Variants in ROR2 observed in about 807,000 individuals in gnomAD.
The protein encoded by ROR2 is tyrosine-protein kinase transmembrane receptor ROR2.
Under a neutral mutation model 74.9 loss-of-function variants are expected in ROR2, and 33 were observed. The ratio of observed to expected loss-of-function variants is 0.44; its 90% CI spans 0.33 to 0.59. The LOEUF (loss-of-function observed/expected upper bound fraction) is 0.59, where lower values mean the gene tolerates loss of function less well. Among genes scored for constraint, ROR2 ranks in the 20% least tolerant of loss-of-function variants. The probability of loss-of-function intolerance (pLI) is 0.02; values close to 1 mark genes in which losing one functional copy is unlikely to be tolerated. For synonymous variants in ROR2, 586 were observed against 558.7 expected, an observed-to-expected ratio of 1.05 and a Z score of -0.69; for missense variants, 1,216 against 1,313.8, an observed-to-expected ratio of 0.93 and a Z score of 1.15.
At chr9:91,889,935 G>T (rs1004858670) in intron 1 of ROR2, among the ~76,000 whole-genome samples, 1 of 152,152 alleles carries the variant, frequency 6.6e-6, no homozygotes, top group African/African-American at 2.4e-5. Flanking sequence ...ATATTAGCGG[G>T]GAGGGGGTTA....
chr9:91,846,357 G>C (rs1175337026), intron 1 of ROR2, among the ~76,000 whole-genome samples: 1 of 152,174 alleles, frequency 6.6e-6, no homozygotes, highest in Non-Finnish European at 1.5e-5. Context: ...ACAAGAAGGG[G>C]AAGAGACACT....
intron 1 of ROR2, among the ~76,000 whole-genome samples, chr9:91,841,128 A>G (rs1014042525): frequency 1.3e-5 from 2 of 152,214 alleles, no homozygotes; most frequent in African/African-American, 4.8e-5. Flanking sequence ...CCTTGAGCTC[A>G]CGTATGCTCC....
intron 4 of ROR2, among the ~76,000 whole-genome samples, chr9:91,742,731 C>T (rs79797501): frequency 0.012 from 1,769 of 152,202 alleles, 35 homozygotes; most frequent in African/African-American, 0.04. Flanking sequence ...AAATGTATAG[C>T]GTTTACACAG....
chr9:91,842,917 G>C (rs573386905), intron 1 of ROR2, among the ~76,000 whole-genome samples: 11 of 152,258 alleles, frequency 7.2e-5, no homozygotes, highest in Non-Finnish European at 1.5e-4. Context: ...TCGAGCAGAG[G>C]TGAAAACACA....
At chr9:91,791,642 G>C (rs1587722312) in intron 1 of ROR2, among the ~76,000 whole-genome samples, 1 of 152,064 alleles carries the variant, frequency 6.6e-6, no homozygotes, top group Admixed American at 6.5e-5. Context: ...ACAATAACTG[G>C]AGATGTCAAC....
intron 1 of ROR2, among the ~76,000 whole-genome samples, chr9:91,824,754 C>T (rs940103109): frequency 6.6e-6 from 1 of 152,184 alleles, no homozygotes; most frequent in Non-Finnish European, 1.5e-5. Context: ...GGGACACACA[C>T]AGCTCTCCCA....
Position 91,756,117 on chromosome 9 carries a change from A to G in ROR2, c.464-16T>C. The G allele has an allele frequency of 6.2e-7, 1 of 1,613,346 alleles. No individual in the cohort carries two copies. Among genetic ancestry groups the G allele is most frequent in the Non-Finnish European group, 8.5e-7 (1 of 1,179,238 alleles). On this transcript the variant is annotated splice_polypyrimidine_tract_variant and intron_variant, in intron 3 of 8. Transcript: ENST00000375708. Reference sequence around the variant, plus strand: ...TGCGTTGGACCTAAAAAGAGGAAACAAAAAGACAAGTTATTAATACTCCAT... The same window carrying G: ...TGCGTTGGACCTAAAAAGAGGAAACGAAAAGACAAGTTATTAATACTCCAT...
At chr9:91,830,430 C>T (rs759915496) in intron 1 of ROR2, among the ~76,000 whole-genome samples, 19 of 152,188 alleles carry the variant, frequency 1.2e-4, no homozygotes, top group Non-Finnish European at 2.5e-4. Flanking sequence ...TATGACCACA[C>T]CACTGCACTC....
rs995767342 is a variant in ROR2 at position 91,907,088 on chromosome 9, G to A, written c.97+42779C>T. 4.6e-5 allele frequency among the ~76,000 whole-genome samples: 7 copies of A among 152,044 alleles called. No individual in the cohort carries two copies. The East Asian group carries it at 1.3e-3, about 29-fold the overall frequency. On this transcript the variant is annotated intron_variant, in intron 1 of 8. Transcript: ENST00000375708. Reference sequence around the variant, plus strand: ...TTCATCTATCTTTTTTTTTAATTGAGGGAGACAAATTGGCAGGGGGCTGTC... The same window carrying A: ...TTCATCTATCTTTTTTTTTAATTGAAGGAGACAAATTGGCAGGGGGCTGTC...
chr9:91,871,900 G>A (rs930310165), intron 1 of ROR2, among the ~76,000 whole-genome samples: 1 of 152,100 alleles, frequency 6.6e-6, no homozygotes, highest in Non-Finnish European at 1.5e-5. Flanking sequence ...TTCATGTCTG[G>A]CCCAGTTGAG....
chr9:91,759,911 C>T (rs1825861673), intron 2 of ROR2, among the ~76,000 whole-genome samples: 1 of 152,188 alleles, frequency 6.6e-6, no homozygotes, highest in Non-Finnish European at 1.5e-5. Flanking sequence ...CATTAGGTAA[C>T]CTGATAATTT....
At chr9:91,892,312 A>G (rs1239597186) in intron 1 of ROR2, among the ~76,000 whole-genome samples, 4 of 152,178 alleles carry the variant, frequency 2.6e-5, no homozygotes, top group African/African-American at 7.2e-5. Context: ...GGCATCTTCA[A>G]ATTCTGCCAT....
chr9:91,855,200 C>T (rs1829241061), intron 1 of ROR2, among the ~76,000 whole-genome samples: 3 of 152,326 alleles, frequency 2.0e-5, no homozygotes, highest in African/African-American at 7.2e-5. Flanking sequence ...ACTCAATGCT[C>T]GCAGGCTGGA....
chr9:91,923,495 T>G (rs893674314), intron 1 of ROR2, among the ~76,000 whole-genome samples: 2 of 152,226 alleles, frequency 1.3e-5, no homozygotes, highest in African/African-American at 4.8e-5. Flanking sequence ...TAAGGAAATT[T>G]GCAGATGGCT....
chr9:91,779,096 T>C (rs1335400043), intron 1 of ROR2, among the ~76,000 whole-genome samples: 2 of 152,040 alleles, frequency 1.3e-5, no homozygotes, highest in Non-Finnish European at 1.5e-5. Flanking sequence ...TAAGGGAAAA[T>C]GAATAGTGTG....
At chr9:91,740,215 G>A (rs1052547626) in intron 4 of ROR2, among the ~76,000 whole-genome samples, 4 of 152,082 alleles carry the variant, frequency 2.6e-5, no homozygotes, top group African/African-American at 7.2e-5. Context: ...ATCATACCCC[G>A]CTCACACTTC....
At chr9:91,925,355 C>A (rs1057509658) in intron 1 of ROR2, among the ~76,000 whole-genome samples, 1 of 152,168 alleles carries the variant, frequency 6.6e-6, no homozygotes, top group African/African-American at 2.4e-5. Flanking sequence ...GCCATCCCAA[C>A]AGCTCAGCCC....
intron 1 of ROR2, among the ~76,000 whole-genome samples, chr9:91,932,387 G>A (rs1023801806): frequency 6.6e-6 from 1 of 151,998 alleles, no homozygotes. Context: ...AAAGGAGAAC[G>A]TGAGGAAAAA....
At chr9:91,741,971 A>G (rs780526964) in intron 4 of ROR2, among the ~76,000 whole-genome samples, 1 of 152,258 alleles carries the variant, frequency 6.6e-6, no homozygotes, top group Non-Finnish European at 1.5e-5. Context: ...AAACAAACAC[A>G]AAGATAACCT....
Sources: gnomAD v4.1 joint callset for allele counts (sites outside exome capture counted in the v4.1 genomes callset) on GRCh38, gnomAD v4.1.1 for gene constraint, MANE v1.5 for transcripts, NCBI Gene and HGNC (gene_info 2026-07-23, HGNC 2026-07-21) for gene names.